The following PDE7A variants were observed in gnomAD, a reference collection of about 807,000 sequenced individuals.
PDE7A encodes phosphodiesterase 7A, also known as high affinity 3',5'-cyclic-AMP phosphodiesterase 7A.
In PDE7A, 39 loss-of-function variants were observed where a neutral mutation model predicts 64.3. That is an observed-to-expected ratio of 0.61 (90% CI 0.47 to 0.79). The LOEUF (loss-of-function observed/expected upper bound fraction) is 0.79. Among genes scored for constraint, PDE7A ranks in the 30% least tolerant of loss-of-function variants. The pLI is 0.00. For missense variants in PDE7A, 470 were observed against 582.8 expected (o/e 0.81, Z 1.99); for synonymous variants, 203 against 206.8 (o/e 0.98, Z 0.16).
intron 5 of PDE7A, 66 bp from the exon 6 acceptor site, chr8:65,739,663 G>A (rs982757238): frequency 7.6e-7 from 1 of 1,313,440 alleles, no homozygotes; most frequent in Admixed American, 3.4e-5. Context: ...ATTATGCTTT[G>A]AAATACAGAT....
At chr8:65,816,775 C>T (rs1431218898) in intron 1 of PDE7A, among the ~76,000 whole-genome samples, 2 of 152,200 alleles carry the variant, frequency 1.3e-5, no homozygotes, top group African/African-American at 2.4e-5. Context: ...TTTCAAGATA[C>T]TCTCTTTATC....
chr8:65,798,206 A>ATATATATTTTTTTTTTT, intron 1 of PDE7A, among the ~76,000 whole-genome samples: 1 of 73,834 alleles, frequency 1.4e-5, no homozygotes, highest in African/African-American at 5.8e-5. Context: ...ATATATATAT[A>ATATATATTTTTTTTTTT]TTTTTTTTTT....
intron 12 of PDE7A, 181 bp downstream of exon 12, chr8:65,723,360 C>A: frequency 2.1e-6 from 1 of 479,466 alleles, no homozygotes. Context: ...CTTTTTACAT[C>A]CTAAAATTAA....
chr8:65,760,289 G>A (rs745406954), intron 3 of PDE7A, among the ~76,000 whole-genome samples: 6 of 152,148 alleles, frequency 3.9e-5, no homozygotes, highest in Non-Finnish European at 8.8e-5. Flanking sequence ...ATAAATATAT[G>A]TAACATCACT....
chr8:65,805,702 T>C (rs1356052082), intron 1 of PDE7A, among the ~76,000 whole-genome samples: 1 of 152,192 alleles, frequency 6.6e-6, no homozygotes, highest in East Asian at 1.9e-4. Flanking sequence ...ATAATGGTAC[T>C]GTGGATTCAC....
chr8:65,798,206 A>ATATATATATATATATATATTTTTTTTTT, intron 1 of PDE7A, among the ~76,000 whole-genome samples: 1 of 73,808 alleles, frequency 1.4e-5, no homozygotes, highest in African/African-American at 5.8e-5. Flanking sequence ...ATATATATAT[A>ATATATATATATATATATATTTTTTTTTT]TTTTTTTTTT....
chr8:65,751,698 G>T (rs1225416677), intron 3 of PDE7A, among the ~76,000 whole-genome samples: 1 of 152,196 alleles, frequency 6.6e-6, no homozygotes, highest in Non-Finnish European at 1.5e-5. Context: ...CTCCATGTTG[G>T]TCAGGCTGGT....
At chr8:65,768,727 T>C (rs1160346367) in intron 3 of PDE7A, among the ~76,000 whole-genome samples, 7 of 152,218 alleles carry the variant, frequency 4.6e-5, no homozygotes, top group African/African-American at 1.7e-4. Flanking sequence ...TTTCTGGTCA[T>C]CCTAAAGTGA....
chr8:65,803,799 T>C (rs1219051494), intron 1 of PDE7A, among the ~76,000 whole-genome samples: 3 of 152,216 alleles, frequency 2.0e-5, no homozygotes, highest in East Asian at 3.8e-4. Context: ...TTCTGAAATA[T>C]ACATGAATTC....
intron 1 of PDE7A, among the ~76,000 whole-genome samples, chr8:65,798,581 G>A (rs747663828): frequency 6.6e-5 from 10 of 152,028 alleles, no homozygotes; most frequent in Admixed American, 2.0e-4. Context: ...TTAAACAGAC[G>A]AGTCACAATA....
chr8:65,756,307 A>C (rs1355058233), intron 3 of PDE7A, among the ~76,000 whole-genome samples: 1 of 152,214 alleles, frequency 6.6e-6, no homozygotes, highest in Admixed American at 6.5e-5. Context: ...TGTCTTCATC[A>C]GATTTGGGAA....
chr8:65,828,353 C>T (rs533568986), intron 1 of PDE7A, among the ~76,000 whole-genome samples: 2 of 152,148 alleles, frequency 1.3e-5, no homozygotes, highest in South Asian at 4.1e-4. Flanking sequence ...GACAGGCATG[C>T]CATTTTGCAA....
At chr8:65,723,726 T>C in intron 11 of PDE7A, 105 bp from the exon 12 acceptor site, 1 of 771,604 alleles carries the variant, frequency 1.3e-6, no homozygotes, top group Non-Finnish European at 1.9e-6. Flanking sequence ...AAAACATACT[T>C]AATCCTCATG....
intron 3 of PDE7A, among the ~76,000 whole-genome samples, chr8:65,770,024 A>G (rs1028198473): frequency 6.6e-6 from 1 of 152,192 alleles, no homozygotes; most frequent in African/African-American, 2.4e-5. Flanking sequence ...GATAATTTCA[A>G]AACACATACA....
At chr8:65,792,224 C>A (rs1221895413) in intron 1 of PDE7A, among the ~76,000 whole-genome samples, 1 of 152,106 alleles carries the variant, frequency 6.6e-6, no homozygotes, top group East Asian at 1.9e-4. Context: ...AAAATTAATG[C>A]ATAGGATACA....
At chr8:65,756,612 C>G (rs1453904445) in intron 3 of PDE7A, among the ~76,000 whole-genome samples, 2 of 152,118 alleles carry the variant, frequency 1.3e-5, no homozygotes, top group African/African-American at 4.8e-5. Context: ...TTTCTCTTTA[C>G]TGAGATTCTC....
chr8:65,811,150 G>A (rs1489137155), intron 1 of PDE7A, among the ~76,000 whole-genome samples: 2 of 152,174 alleles, frequency 1.3e-5, no homozygotes, highest in East Asian at 3.8e-4. Context: ...GAGAAAAAAA[G>A]GAGGAAGATG....
chr8:65,736,152 A>G (rs2128898460), intron 6 of PDE7A, among the ~76,000 whole-genome samples: 1 of 152,348 alleles, frequency 6.6e-6, no homozygotes, highest in East Asian at 1.9e-4. Flanking sequence ...ACAATAAGCC[A>G]GCATCACAAC....
intron 1 of PDE7A, among the ~76,000 whole-genome samples, chr8:65,787,834 T>G (rs989369788): frequency 1.3e-5 from 2 of 151,628 alleles, no homozygotes; most frequent in Non-Finnish European, 2.9e-5. Flanking sequence ...AGACAACTAA[T>G]GCATTATTAA....
Sources: allele counts gnomAD v4.1 joint callset (sites outside exome capture counted in the v4.1 genomes callset), GRCh38; gene constraint gnomAD v4.1.1; transcripts MANE v1.5; gene names NCBI Gene and HGNC (gene_info 2026-07-23, HGNC 2026-07-21).